CTNNA3: variants seen among roughly 807,000 people sequenced by gnomAD.
CTNNA3 encodes the protein catenin alpha 3.
A neutral mutation model predicts 95.7 loss-of-function variants in CTNNA3; 76 were observed. That is an observed-to-expected ratio of 0.79 (90% CI 0.66 to 0.96). The LOEUF (loss-of-function observed/expected upper bound fraction) is 0.96, where lower values mean the gene tolerates loss of function less well. CTNNA3 is among the 40% of genes least tolerant of loss of function. CTNNA3 has a pLI of 0.00. For synonymous variants in CTNNA3, 431 were observed against 374.4 expected (o/e 1.15, Z -1.74); for missense variants, 1,191 against 1,089.8 (o/e 1.09, Z -1.31).
intron 13 of CTNNA3, among the ~76,000 whole-genome samples, chr10:66,192,652 G>A (rs187400895): frequency 6.6e-6 from 1 of 152,198 alleles, no homozygotes; most frequent in Admixed American, 6.5e-5. Flanking sequence ...ACTACCCTGT[G>A]CTTTAAACTC....
chr10:66,322,091 C>T (rs2092195127), intron 12 of CTNNA3, among the ~76,000 whole-genome samples: 1 of 152,108 alleles, frequency 6.6e-6, no homozygotes, highest in South Asian at 2.1e-4. Context: ...CAGAACAGGC[C>T]TCACAGAGGA....
intron 5 of CTNNA3, among the ~76,000 whole-genome samples, chr10:67,477,710 AC>A: frequency 6.6e-6 from 1 of 152,332 alleles, no homozygotes; most frequent in African/African-American, 2.4e-5. Context: ...GAAAATAATT[AC>A]AAAAATTAGA....
intron 7 of CTNNA3, among the ~76,000 whole-genome samples, chr10:66,908,203 A>C (rs1307330682): frequency 6.6e-6 from 1 of 152,186 alleles, no homozygotes; most frequent in Admixed American, 6.5e-5. Flanking sequence ...CCAGGACTTC[A>C]CATTGATCTT....
At chr10:66,638,512 TTAATC>T (rs1260218898) in intron 9 of CTNNA3, among the ~76,000 whole-genome samples, 4 of 152,290 alleles carry the variant, frequency 2.6e-5, no homozygotes, top group African/African-American at 7.2e-5. Context: ...ATTAATAGGC[TTAATC>T]TATTCACTTG....
chr10:67,267,676 A>T (rs1326950016), intron 5 of CTNNA3, among the ~76,000 whole-genome samples: 5 of 152,216 alleles, frequency 3.3e-5, no homozygotes, highest in African/African-American at 1.2e-4. Flanking sequence ...TAACCTTGAA[A>T]CATCAAGAAA....
At chr10:66,659,085 C>T (rs1353657997) in intron 9 of CTNNA3, among the ~76,000 whole-genome samples, 1 of 151,938 alleles carries the variant, frequency 6.6e-6, no homozygotes, top group Admixed American at 6.6e-5. Flanking sequence ...ATACCTGAAA[C>T]TCTTCTAAGA....
At chr10:67,156,407 T>C (rs995878691) in intron 7 of CTNNA3, among the ~76,000 whole-genome samples, 1 of 152,108 alleles carries the variant, frequency 6.6e-6, no homozygotes, top group African/African-American at 2.4e-5. Context: ...TCTTTTTGAA[T>C]GTCAACAGTC....
intron 7 of CTNNA3, among the ~76,000 whole-genome samples, chr10:66,886,303 A>G (rs1845041910): frequency 6.6e-6 from 1 of 152,152 alleles, no homozygotes; most frequent in African/African-American, 2.4e-5. Flanking sequence ...GACCTCAGGC[A>G]GGATAGACTA....
At chr10:67,186,109 T>C (rs1862834817) in intron 6 of CTNNA3, among the ~76,000 whole-genome samples, 1 of 152,076 alleles carries the variant, frequency 6.6e-6, no homozygotes, top group Non-Finnish European at 1.5e-5. Context: ...GAAAAGACTA[T>C]GCAGGCAATA....
At chr10:66,356,122 GTTTTTTTTTTTTT>G (rs59366031) in intron 12 of CTNNA3, among the ~76,000 whole-genome samples, 6 of 117,236 alleles carry the variant, frequency 5.1e-5, no homozygotes, top group African/African-American at 2.1e-4. Context: ...TGCTTGTTTT[GTTTTTTTTTTTTT>G]TTTTTTGGCT....
At chr10:65,925,261 A>G (rs2077150669) in intron 17 of CTNNA3, among the ~76,000 whole-genome samples, 1 of 148,844 alleles carries the variant, frequency 6.7e-6, no homozygotes, top group Non-Finnish European at 1.5e-5. Flanking sequence ...TTCACTTACA[A>G]CAAATATGAA....
At chr10:66,440,977 TGTAA>T (rs72147497) in intron 11 of CTNNA3, among the ~76,000 whole-genome samples, 57,804 of 151,696 alleles carry the variant, frequency 0.38, 11,528 homozygotes, top group African/African-American at 0.5. Context: ...TATTAATAAC[TGTAA>T]GTGAGTTCCT....
intron 1 of CTNNA3, among the ~76,000 whole-genome samples, chr10:67,728,994 C>T (rs1361403277): frequency 6.6e-6 from 1 of 152,030 alleles, no homozygotes; most frequent in Non-Finnish European, 1.5e-5. Flanking sequence ...TTCTAAATCT[C>T]AGTTACAAAG....
At chr10:66,444,085 T>G (rs1344720762) in intron 11 of CTNNA3, among the ~76,000 whole-genome samples, 1 of 151,910 alleles carries the variant, frequency 6.6e-6, no homozygotes, top group Non-Finnish European at 1.5e-5. Context: ...TGATGCAAGA[T>G]GAAATGAATG....
chr10:66,278,751 T>G (rs1057161062), intron 13 of CTNNA3, among the ~76,000 whole-genome samples: 1 of 152,116 alleles, frequency 6.6e-6, no homozygotes, highest in African/African-American at 2.4e-5. Context: ...CTCACTGGTT[T>G]ATATTCTCAA....
chr10:67,483,435 C>G (rs1406197613), intron 5 of CTNNA3, among the ~76,000 whole-genome samples: 2 of 149,322 alleles, frequency 1.3e-5, no homozygotes, highest in South Asian at 2.2e-4. Flanking sequence ...TACTATGCAG[C>G]CATAAAAAAT....
At chr10:66,419,892 A>G (rs2093177608) in intron 11 of CTNNA3, among the ~76,000 whole-genome samples, 1 of 152,146 alleles carries the variant, frequency 6.6e-6, no homozygotes, top group African/African-American at 2.4e-5. Context: ...TAAACTCAAG[A>G]TGGATTAAAT....
intron 7 of CTNNA3, among the ~76,000 whole-genome samples, chr10:67,122,113 A>C (rs990676921): frequency 6.6e-6 from 1 of 151,816 alleles, no homozygotes; most frequent in African/African-American, 2.4e-5. Context: ...CTAGACTGTC[A>C]ATTAAGAGAC....
At chr10:66,694,925 T>C (rs1323722969) in intron 9 of CTNNA3, among the ~76,000 whole-genome samples, 2 of 152,336 alleles carry the variant, frequency 1.3e-5, no homozygotes, top group East Asian at 3.9e-4. Flanking sequence ...TCAGAATTCA[T>C]TTATTATTAA....
Sources: gnomAD v4.1 joint callset for allele counts (sites outside exome capture counted in the v4.1 genomes callset) on GRCh38, gnomAD v4.1.1 for gene constraint, MANE v1.5 for transcripts, NCBI Gene and HGNC (gene_info 2026-07-23, HGNC 2026-07-21) for gene names.